The following KCNIP1 variants were observed in gnomAD, a reference collection of about 807,000 sequenced individuals.
KCNIP1 encodes A-type potassium channel modulatory protein KCNIP1.
KCNIP1 carries 18 observed loss-of-function variants against 33.0 expected under a neutral mutation model. That is an observed-to-expected ratio of 0.55 (90% CI 0.38 to 0.81). KCNIP1 has a LOEUF of 0.81. Among genes scored for constraint, KCNIP1 ranks in the 30% least tolerant of loss-of-function variants. The probability of loss-of-function intolerance (pLI) is 0.00; values close to 1 mark genes in which losing one functional copy is unlikely to be tolerated. For synonymous variants in KCNIP1, 93 were observed against 98.3 expected, an observed-to-expected ratio of 0.95 and a Z score of 0.32; for missense variants, 238 against 271.6, an observed-to-expected ratio of 0.88 and a Z score of 0.87.
At chr5:170,386,294 G>C (rs1185262925) in intron 1 of KCNIP1, among the ~76,000 whole-genome samples, 1 of 152,228 alleles carries the variant, frequency 6.6e-6, no homozygotes, top group Non-Finnish European at 1.5e-5. Context: ...ACAGCAATTA[G>C]AGTGATGTGA....
At chr5:170,525,401 T>A (rs541605357) in intron 1 of KCNIP1, among the ~76,000 whole-genome samples, 1 of 152,348 alleles carries the variant, frequency 6.6e-6, no homozygotes, top group East Asian at 1.9e-4. Flanking sequence ...CATTAAAGCA[T>A]TTAGGTAGTG....
chr5:170,490,892 C>T (rs1306061507), intron 1 of KCNIP1, among the ~76,000 whole-genome samples: 1 of 152,174 alleles, frequency 6.6e-6, no homozygotes, highest in African/African-American at 2.4e-5. Flanking sequence ...ACCTCAAGTT[C>T]TCTCGCCCCA....
intron 1 of KCNIP1, among the ~76,000 whole-genome samples, chr5:170,659,671 C>T (rs1761401171): frequency 6.6e-6 from 1 of 152,180 alleles, no homozygotes. Flanking sequence ...ACATGCACAG[C>T]TCAGGGAATA....
chr5:170,627,190 C>G (rs955346092), intron 1 of KCNIP1, among the ~76,000 whole-genome samples: 1 of 152,208 alleles, frequency 6.6e-6, no homozygotes, highest in Non-Finnish European at 1.5e-5. Context: ...TGGCCATTCT[C>G]CGCAGCCCCT....
At position 170,604,457 on chromosome 5, in the gene KCNIP1, GAGC is replaced by G. The variant is rs1758819716; in HGVS notation, c.61+99827_61+99829del. 2.6e-5 allele frequency among the ~76,000 whole-genome samples: 4 copies of G among 152,280 alleles called. No individual in the cohort carries two copies. In the East Asian group the frequency reaches 7.7e-4, roughly 29 times the overall value. ...GAACAGCAGATGCCCCACTGAGGCT[GAGC>G]AGAACATTTAGGATCCTTGGCCCCA... is the stretch of plus-strand genomic sequence containing the variant. On this transcript the variant is annotated intron_variant, in intron 1 of 7. Transcript: ENST00000328939.
At chr5:170,526,810 C>T (rs1013151348) in intron 1 of KCNIP1, among the ~76,000 whole-genome samples, 1 of 151,422 alleles carries the variant, frequency 6.6e-6, no homozygotes, top group Non-Finnish European at 1.5e-5. Flanking sequence ...GCAACCTCCA[C>T]CTACCAGGTT....
chr5:170,539,036 A>T (rs1365096257), intron 1 of KCNIP1, among the ~76,000 whole-genome samples: 1 of 151,666 alleles, frequency 6.6e-6, no homozygotes, highest in East Asian at 2.0e-4. Flanking sequence ...TCCATATGCA[A>T]TCTGCAGGTC....
intron 1 of KCNIP1, among the ~76,000 whole-genome samples, chr5:170,586,392 G>A (rs756395685): frequency 6.6e-6 from 1 of 152,210 alleles, no homozygotes; most frequent in African/African-American, 2.4e-5. Context: ...GGATGCAGAG[G>A]AGGGGGAGAA....
At chr5:170,471,577 G>A (rs1051487518) in intron 1 of KCNIP1, among the ~76,000 whole-genome samples, 11 of 152,188 alleles carry the variant, frequency 7.2e-5, no homozygotes, top group Admixed American at 1.3e-4. Flanking sequence ...AAAGTCCGCC[G>A]TGACTGAAGC....
chr5:170,590,717 C>T (rs191328330), intron 1 of KCNIP1, among the ~76,000 whole-genome samples: 24 of 152,324 alleles, frequency 1.6e-4, no homozygotes, highest in African/African-American at 5.3e-4. Context: ...CTGTATTAGT[C>T]AGAGCAGTGC....
At chr5:170,422,403 AAAAG>A (rs1755516190) in intron 1 of KCNIP1, 1 of 152,244 alleles carries the variant, frequency 6.6e-6, no homozygotes, top group Admixed American at 6.5e-5. Flanking sequence ...AGACAAGAAG[AAAAG>A]AAAGATAGAT....
chr5:170,731,549 G>A (rs1481121728), intron 5 of KCNIP1, among the ~76,000 whole-genome samples: 3 of 152,016 alleles, frequency 2.0e-5, no homozygotes, highest in African/African-American at 7.2e-5. Context: ...CAAAAAATTA[G>A]CCAGGTGTGG....
chr5:170,477,921 G>T (rs1440838633), intron 1 of KCNIP1, among the ~76,000 whole-genome samples: 2 of 152,160 alleles, frequency 1.3e-5, no homozygotes, highest in Non-Finnish European at 2.9e-5. Context: ...ATTAATATTT[G>T]CAGTAGAGTA....
At chr5:170,441,717 G>A (rs1755994047) in intron 1 of KCNIP1, among the ~76,000 whole-genome samples, 1 of 152,038 alleles carries the variant, frequency 6.6e-6, no homozygotes, top group African/African-American at 2.4e-5. Context: ...TGTAATCCCA[G>A]CACTTTGGGA....
intron 1 of KCNIP1, among the ~76,000 whole-genome samples, chr5:170,678,194 T>C (rs1317326619): frequency 1.3e-5 from 2 of 152,256 alleles, no homozygotes; most frequent in Non-Finnish European, 2.9e-5. Context: ...AAACAATTCC[T>C]GTATCTTTCA....
intron 1 of KCNIP1, chr5:170,712,870 T>C: frequency 6.2e-7 from 1 of 1,614,020 alleles, no homozygotes. Flanking sequence ...CCTGGTGGTA[T>C]TACCAGTATC....
chr5:170,711,690 T>C (rs1008370615), intron 1 of KCNIP1, among the ~76,000 whole-genome samples: 1 of 152,150 alleles, frequency 6.6e-6, no homozygotes, highest in Non-Finnish European at 1.5e-5. Flanking sequence ...TTCTGTGCAA[T>C]TTTTCTGTAA....
At chr5:170,664,104 C>T (rs979728304) in intron 1 of KCNIP1, among the ~76,000 whole-genome samples, 11 of 152,146 alleles carry the variant, frequency 7.2e-5, no homozygotes, top group African/African-American at 2.7e-4. Context: ...GCCTTGTGAT[C>T]TGCCCTGCCT....
intron 5 of KCNIP1, 111 bp from the exon 6 acceptor site, chr5:170,732,689 C>T (rs1271380736): frequency 4.3e-6 from 3 of 692,644 alleles, no homozygotes; most frequent in African/African-American, 3.5e-5. Context: ...AAGGACCTCA[C>T]CTTTTAATCA....
Sources: gnomAD v4.1 joint callset for allele counts (sites outside exome capture counted in the v4.1 genomes callset) on GRCh38, gnomAD v4.1.1 for gene constraint, MANE v1.5 for transcripts, NCBI Gene and HGNC (gene_info 2026-07-23, HGNC 2026-07-21) for gene names.